Variants in RUFY4 observed in about 807,000 individuals in gnomAD.
The protein encoded by RUFY4 is RUN and FYVE domain-containing protein 4.
A neutral mutation model predicts 69.0 loss-of-function variants in RUFY4; 73 were observed. The observed-to-expected ratio is 1.06, with a 90% CI of 0.88 to 1.29. RUFY4 has a LOEUF of 1.29. Among genes scored for constraint, RUFY4 ranks in the 50% most tolerant of loss-of-function variants. The pLI is 0.00. For missense variants in RUFY4, 770 were observed against 705.6 expected, an observed-to-expected ratio of 1.09 and a Z score of -1.03; for synonymous variants, 287 against 271.8, an observed-to-expected ratio of 1.06 and a Z score of -0.55.
chr2:218,088,696 G>A (rs1342532684), intron 9 of RUFY4, among the ~76,000 whole-genome samples: 1 of 152,136 alleles, frequency 6.6e-6, no homozygotes, highest in African/African-American at 2.4e-5. Context: ...CAAAGAGGAG[G>A]CCAGGTGTCA....
At chr2:218,074,980 TG>T in intron 6 of RUFY4, 112 bp from the exon 9 acceptor site, 2 of 1,161,136 alleles carry the variant, frequency 1.7e-6, no homozygotes, top group Non-Finnish European at 2.4e-6. Context: ...TGAGAGGACC[TG>T]GTACCTATCT....
At chr2:218,069,019 G>A (rs926547720), upstream of RUFY4, 1 of 152,474 alleles carries the variant, frequency 6.6e-6, no homozygotes, top group Non-Finnish European at 1.5e-5. Context: ...AAAACGAAAA[G>A]GAAACTAGCA....
chr2:218,050,729 T>C (rs1358849120), intron 2 of RUFY4, among the ~76,000 whole-genome samples: 1 of 152,232 alleles, frequency 6.6e-6, no homozygotes, highest in Non-Finnish European at 1.5e-5. Context: ...TTTAAGATCA[T>C]AAAAGTATGA....
At chr2:218,059,784 G>A (rs1321964172) in intron 3 of RUFY4, 1 of 166,464 alleles carries the variant, frequency 6.0e-6, no homozygotes, top group African/African-American at 2.4e-5. Flanking sequence ...TATGAATATT[G>A]GTGTACAAAT....
intron 2 of RUFY4, among the ~76,000 whole-genome samples, chr2:218,037,856 G>A (rs957156197): frequency 3.9e-5 from 6 of 152,256 alleles, no homozygotes; most frequent in Non-Finnish European, 5.9e-5. Context: ...ATCCTATGTG[G>A]AGAAAAAGTA....
chr2:218,073,972 C>T (rs771718452), intron 6 of RUFY4, 87 bp downstream of exon 8: 23 of 1,328,126 alleles, frequency 1.7e-5, no homozygotes, highest in East Asian at 4.7e-5. Flanking sequence ...CTTCCCCCTC[C>T]GAGTGTACAG....
chr2:218,075,327 G>A, exon 7 of RUFY4: 1 of 1,610,484 alleles, frequency 6.2e-7, no homozygotes, highest in Non-Finnish European at 8.5e-7. Context: ...AGACCAGGAG[G>A]AAAGAGCCCC....
chr2:218,070,523 G>A, exon 1 of RUFY4: 1 of 1,196,286 alleles, frequency 8.4e-7, no homozygotes, highest in Non-Finnish European at 1.2e-6. Context: ...CTTTGTGTAA[G>A]GAGAGAGCTG....
intron 2 of RUFY4, among the ~76,000 whole-genome samples, chr2:218,048,712 C>T (rs1688882558): frequency 6.6e-6 from 1 of 152,016 alleles, no homozygotes. Flanking sequence ...ATCTTTTCTT[C>T]ACTTTCTCTT....
chr2:218,077,366 G>GTT (rs1689658764), intron 8 of RUFY4, among the ~76,000 whole-genome samples: 1 of 151,980 alleles, frequency 6.6e-6, no homozygotes, highest in Non-Finnish European at 1.5e-5. Flanking sequence ...TCAGGTCTCA[G>GTT]TTTCTCTCTC....
At position 218,075,560 on chromosome 2, in the gene RUFY4, A is replaced by G. The variant is rs181494330; in HGVS notation, c.1068A>G (p.Gly356=). The change falls in exon 7 of 11, where the codon GGA becomes GGG. Residue 356 remains glycine (G), a synonymous_variant. Coordinates refer to ENST00000344321, the Ensembl canonical transcript of RUFY4. ...CCAGCCCCAGAGGGGCTGTAGAGGG[A>G]GCAGTATCAGGGAGCAGGCAGGGGT... 1.9e-4 allele frequency: 285 copies of G among 1,532,986 alleles called. 3 individuals are homozygous for G. The East Asian group carries it at 5.0e-3, about 27-fold the overall frequency. The allele number at this position is 1,532,986 out of a possible 1,614,324, so 95.0% of individuals were successfully genotyped here. A position where few individuals can be genotyped will look rare whatever the true frequency, so the allele number is the denominator to read the frequency against.
At chr2:218,075,597 A>G in exon 7 of RUFY4, 1 of 1,525,150 alleles carries the variant, frequency 6.6e-7, no homozygotes, top group Non-Finnish European at 8.8e-7. Flanking sequence ...GGGGGGCTCT[A>G]GCATCCTGGG....
chr2:218,088,225 G>A (rs1166387785), intron 9 of RUFY4, among the ~76,000 whole-genome samples: 1 of 152,094 alleles, frequency 6.6e-6, no homozygotes, highest in Non-Finnish European at 1.5e-5. Flanking sequence ...GGGGAATGGT[G>A]GTTCATGCCT....
chr2:218,040,753 A>G (rs1959050275), intron 2 of RUFY4, among the ~76,000 whole-genome samples: 1 of 152,086 alleles, frequency 6.6e-6, no homozygotes, highest in Non-Finnish European at 1.5e-5. Context: ...GACGGAACAT[A>G]CTAAAATGTG....
intron 10 of RUFY4, 117 bp downstream of exon 12, chr2:218,089,479 C>A: frequency 1.3e-6 from 1 of 772,406 alleles, no homozygotes; most frequent in Non-Finnish European, 2.1e-6. Context: ...TAAAAGGCCA[C>A]TTACAGCTGA....
intron 2 of RUFY4, among the ~76,000 whole-genome samples, chr2:218,047,402 A>T (rs1369944495): frequency 1.3e-5 from 2 of 150,786 alleles, no homozygotes; most frequent in Non-Finnish European, 3.0e-5. Context: ...GTATCTATTC[A>T]TTTTTTTTTG....
intron 5 of RUFY4, 31 bp downstream of exon 7, chr2:218,073,417 T>A (rs1169305265): frequency 6.4e-7 from 1 of 1,573,176 alleles, no homozygotes; most frequent in Non-Finnish European, 8.6e-7. Flanking sequence ...GAGAAGTCTC[T>A]TTTGACACCT....
At chr2:218,090,097 C>A in exon 11 of RUFY4, 1 of 1,274,408 alleles carries the variant, frequency 7.8e-7, no homozygotes, top group Non-Finnish European at 1.1e-6. Context: ...CACCTGCCTG[C>A]CCATCCCACT....
At chr2:218,060,072 T>TG in intron 3 of RUFY4, 1 of 270,684 alleles carries the variant, frequency 3.7e-6, no homozygotes. Context: ...TTTCACTTCT[T>TG]AGAACATAGA....
Sources: allele counts gnomAD v4.1 joint callset (sites outside exome capture counted in the v4.1 genomes callset), GRCh38; gene constraint gnomAD v4.1.1; transcripts MANE v1.5; gene names NCBI Gene and HGNC (gene_info 2026-07-23, HGNC 2026-07-21).